BRD8: variants seen among roughly 807,000 people sequenced by gnomAD.
The protein encoded by BRD8 is bromodomain containing 8, also known as bromodomain-containing protein 8.
A neutral mutation model predicts 143.1 loss-of-function variants in BRD8; 67 were observed. The ratio of observed to expected loss-of-function variants is 0.47; its 90% confidence interval spans 0.38 to 0.57. The LOEUF (loss-of-function observed/expected upper bound fraction) is 0.57. Ranked by LOEUF, BRD8 falls within the 20% of genes least tolerant of loss-of-function variation. The probability of loss-of-function intolerance (pLI) is 0.00; values close to 1 mark genes in which losing one functional copy is unlikely to be tolerated. For missense variants in BRD8, 1,103 were observed against 1,503.0 expected, an observed-to-expected ratio of 0.73 and a Z score of 4.40; for synonymous variants, 505 against 517.1, an observed-to-expected ratio of 0.98 and a Z score of 0.32.
chr5:138,155,771 C>T (rs912160970), intron 20 of BRD8, among the ~76,000 whole-genome samples: 19 of 152,120 alleles, frequency 1.2e-4, no homozygotes, highest in Admixed American at 1.2e-3. Context: ...AAGTGATCTT[C>T]CTGTCTTGGC....
At position 138,140,112 on chromosome 5, in the gene BRD8, G is replaced by C. The variant is rs760161673; in HGVS notation, c.3670C>G (p.Pro1224Ala). 6.2e-7 allele frequency: 1 copy of C among 1,613,976 alleles called. No homozygotes were observed. Among genetic ancestry groups the C allele is most frequent in the South Asian group, 1.1e-5 (1 of 91,070 alleles). Reference sequence around the variant, plus strand: ...TTTCCATCATCCACTGGGTTAGCTGGTTCTCCTTCCAGACTACTTGAGCCT... The same window carrying C: ...TTTCCATCATCCACTGGGTTAGCTGCTTCTCCTTCCAGACTACTTGAGCCT... Reference protein sequence around the residue: ...RKGSSSLEGEPANPVDDGKPV... With the variant: ...RKGSSSLEGEAANPVDDGKPV... Residue 1224 changes from proline to alanine, a missense_variant, in exon 27 of 27, where the codon CCA becomes GCA. Physicochemically the swap from Pro to Ala is conservative, Grantham distance 27 (BLOSUM62 -1). Coordinates refer to ENST00000254900, the MANE Select transcript of BRD8 (RefSeq NM_139199.2).
chr5:138,167,436 G>A (rs1275793636), intron 9 of BRD8, among the ~76,000 whole-genome samples: 1 of 152,026 alleles, frequency 6.6e-6, no homozygotes, highest in African/African-American at 2.4e-5. Context: ...AGGTTTGTAT[G>A]GTATTCTATG....
At chr5:138,162,229 T>A in intron 15 of BRD8, 83 bp from the exon 16 acceptor site, 1 of 1,096,322 alleles carries the variant, frequency 9.1e-7, no homozygotes, top group Non-Finnish European at 1.3e-6. Context: ...AGACAGGGTC[T>A]CACTCTGTCC....
At chr5:138,168,592 T>C in intron 8 of BRD8, 1 of 1,606,798 alleles carries the variant, frequency 6.2e-7, no homozygotes, top group Admixed American at 1.7e-5. Flanking sequence ...GTTACTGGGG[T>C]CATGGGGGCT....
chr5:138,170,541 C>A, intron 6 of BRD8, 132 bp from the exon 7 acceptor site: 1 of 967,032 alleles, frequency 1.0e-6, no homozygotes, highest in Non-Finnish European at 1.7e-6. Flanking sequence ...GAATTCTAAC[C>A]AGCAAAACAG....
At chr5:138,147,411 G>A (rs2151182723) in intron 23 of BRD8, among the ~76,000 whole-genome samples, 1 of 151,738 alleles carries the variant, frequency 6.6e-6, no homozygotes, top group South Asian at 2.1e-4. Flanking sequence ...ACAACTGGGT[G>A]GATCTGGGAT....
chr5:138,167,486 T>G lies in BRD8; in HGVS notation c.787+448A>C, dbSNP rs971351644. The stretch of plus-strand genomic sequence containing the variant: ...TCCCTGCTTTATACTTTCTACCTCA[T>G]TAAATTCTCATCACATCCTTGTGAA... On this transcript the variant is annotated intron_variant, in intron 9 of 26. Transcript: ENST00000254900. Among the ~76,000 whole-genome samples the G allele has an allele frequency of 2.2e-4, 33 of 152,298 alleles. No individual in the cohort carries two copies. The East Asian group carries it at 6.0e-3, about 28-fold the overall frequency.
rs748978579 is a variant in BRD8 at position 138,145,900 on chromosome 5, A to G, written c.3279-22T>C. ...AGTCCTATGAGGATAAAACATGAAG[A>G]AAAGAGACAGTAACTTCACAAATAA... On this transcript the variant is annotated intron_variant, in intron 23 of 26. Coordinates refer to ENST00000254900, the MANE Select transcript of BRD8 (RefSeq NM_139199.2). The G allele has an allele frequency of 3.8e-6, 6 of 1,590,622 alleles. No homozygotes were observed. The South Asian group carries it at 6.6e-5, about 18-fold the overall frequency.
chr5:138,160,005 C>T, intron 19 of BRD8, 64 bp downstream of exon 19: 1 of 1,251,848 alleles, frequency 8.0e-7, no homozygotes. Context: ...CATAAGGGTC[C>T]TTGGATGCTT....
chr5:138,164,599 C>G, intron 12 of BRD8, 115 bp downstream of exon 12: 1 of 1,270,830 alleles, frequency 7.9e-7, no homozygotes, highest in Admixed American at 2.2e-5. Flanking sequence ...GGGCTTTGGA[C>G]ACATCAAACA....
At position 138,139,985 on chromosome 5, in the gene BRD8, G is replaced by T; in HGVS notation, c.*89C>A. 1 of 1,008,074 alleles carries T rather than the reference G, an allele frequency of 9.9e-7. No individual in the cohort carries two copies. The highest frequency in any genetic ancestry group is 1.5e-6 in the Non-Finnish European group (1 of 650,172). The allele number at this position is 1,008,074 out of a possible 1,614,324, so 62.4% of individuals were successfully genotyped here. ...TATTCTTGTTGGAAAAGAAAATGAG[G>T]ACATGGCAAAGAAGTACCAGGATCC... On this transcript the variant is annotated 3_prime_UTR_variant, in exon 27 of 27. Transcript: ENST00000254900.
intron 9 of BRD8, among the ~76,000 whole-genome samples, chr5:138,167,135 G>A (rs1753503685): frequency 6.6e-6 from 1 of 150,666 alleles, no homozygotes; most frequent in Admixed American, 6.6e-5. Flanking sequence ...TAGGCGTGGT[G>A]GTGGGTGCTG....
intron 22 of BRD8, among the ~76,000 whole-genome samples, chr5:138,150,435 G>C (rs1755503154): frequency 6.6e-6 from 1 of 152,068 alleles, no homozygotes; most frequent in Non-Finnish European, 1.5e-5. Flanking sequence ...AATGATGACG[G>C]TATTCTAAAT....
chr5:138,148,517 GC>G (rs1482176041), intron 23 of BRD8, among the ~76,000 whole-genome samples: 1 of 151,942 alleles, frequency 6.6e-6, no homozygotes, highest in Non-Finnish European at 1.5e-5. Context: ...ACAGGTGCAT[GC>G]CCCCACACCC....
intron 25 of BRD8, among the ~76,000 whole-genome samples, chr5:138,141,275 G>A (rs983755938): frequency 3.3e-5 from 5 of 152,070 alleles, no homozygotes; most frequent in African/African-American, 1.2e-4. Context: ...GATTACAGGC[G>A]TGCGCCATCA....
chr5:138,155,518 A>G (rs1407868732), intron 20 of BRD8, among the ~76,000 whole-genome samples: 2 of 151,724 alleles, frequency 1.3e-5, no homozygotes, highest in South Asian at 2.1e-4. Context: ...AAAGTTATTA[A>G]CAGAAGTTGG....
chr5:138,163,665 A>G, intron 14 of BRD8: 1 of 1,369,106 alleles, frequency 7.3e-7, no homozygotes, highest in Non-Finnish European at 9.6e-7. Context: ...GTTATCAAAA[A>G]TAATTTTTAT....
rs745793782 is a variant in BRD8 at position 138,165,830 on chromosome 5, T to G, written c.1276A>C (p.Lys426Gln). Residue 426 changes from lysine to glutamine, a missense_variant and splice_region_variant, in exon 11 of 27, where the codon AAG (lysine) becomes CAG (glutamine). Coordinates refer to ENST00000254900, the MANE Select transcript of BRD8 (RefSeq NM_139199.2). Reference protein sequence around the residue: ...VGDIIAIIEDKVDDHPEVLDV... With the variant: ...VGDIIAIIEDQVDDHPEVLDV... The stretch of plus-strand genomic sequence containing the variant: ...CTGGGGCTTCGCTGAATAGTTACCT[T>G]GTCCTCAATGATGGCAATGATGTCT... 6.2e-7 allele frequency: 1 copy of G among 1,613,090 alleles called. No individual in the cohort carries two copies. Among genetic ancestry groups the G allele is most frequent in the Non-Finnish European group, 8.5e-7 (1 of 1,179,384 alleles).
intron 20 of BRD8, among the ~76,000 whole-genome samples, chr5:138,153,814 T>C (rs1561602404): frequency 6.6e-6 from 1 of 151,906 alleles, no homozygotes; most frequent in African/African-American, 2.4e-5. Flanking sequence ...GTAGCTGAGA[T>C]TACAGGTGCC....
Sources: gnomAD v4.1 joint callset for allele counts (sites outside exome capture counted in the v4.1 genomes callset) on GRCh38, gnomAD v4.1.1 for gene constraint, MANE v1.5 for transcripts, NCBI Gene and HGNC (gene_info 2026-07-23, HGNC 2026-07-21) for gene names.